GPC4: variants seen among roughly 807,000 people sequenced by gnomAD.
GPC4 encodes the protein glypican 4.
A neutral mutation model predicts 35.0 loss-of-function variants in GPC4; 10 were observed. The ratio of observed to expected loss-of-function variants is 0.29; its 90% CI spans 0.18 to 0.48. GPC4 has a LOEUF of 0.48. Among genes scored for constraint, GPC4 ranks in the 20% least tolerant of loss-of-function variants. The probability of loss-of-function intolerance (pLI) is 0.99; values close to 1 mark genes in which losing one functional copy is unlikely to be tolerated. For missense variants in GPC4, 322 were observed against 451.3 expected, an observed-to-expected ratio of 0.71 and a Z score of 2.60; for synonymous variants, 167 against 170.2, an observed-to-expected ratio of 0.98 and a Z score of 0.15.
At chrX:133,378,484 G>A (rs1307510032) in intron 1 of GPC4, among the ~76,000 whole-genome samples, 1 of 106,418 alleles carries the variant, frequency 9.4e-6, no homozygotes, top group Non-Finnish European at 1.9e-5. Flanking sequence ...GCTGAGGCAG[G>A]AGAATGGTGT....
intron 4 of GPC4, among the ~76,000 whole-genome samples, chrX:133,308,273 C>T (rs1159349539): frequency 1.8e-5 from 2 of 111,948 alleles, no homozygotes; most frequent in African/African-American, 6.5e-5. Context: ...GCTCCTGCCT[C>T]CTGCCAGGAC....
In GPC4 at chrX:133,311,381, T is replaced by C; in HGVS notation, c.754A>G (p.Ile252Val). 8.3e-7 allele frequency: 1 copy of C among 1,211,470 alleles called. No homozygotes were observed. The highest frequency in any genetic ancestry group is 2.2e-5 in the Admixed American group (1 of 46,046). The change falls in exon 4 of 9, where the codon ATC becomes GTC. Residue 252 changes from isoleucine (I) to valine (V), a missense_variant. Transcript: ENST00000370828. ...AGACCCCGGCAGTGGGAGCAGTAGA[T>C]CATCTTCAACAGGGCATGGGTACAC... The part of the protein sequence containing the change: ...AQCTHALLKM[I>V]YCSHCRGLVT...
At chrX:133,342,256 C>T (rs1321908197) in intron 1 of GPC4, among the ~76,000 whole-genome samples, 3 of 109,857 alleles carry the variant, frequency 2.7e-5, no homozygotes, top group African/African-American at 9.9e-5. Flanking sequence ...AGGCTGGTCT[C>T]GAACTCCTGA....
At position 133,415,254 on chromosome X, in the gene GPC4, G is replaced by T; in HGVS notation, c.-289C>A. On this transcript the variant is annotated 5_prime_UTR_variant, in exon 1 of 9. Transcript: ENST00000370828. ...CAGAGGCGCGGGCTGGTGACCTCGG[G>T]GTTTCGCGGGGCAGCGAACCCGGCA... 3.5e-6 allele frequency: 1 copy of T among 284,601 alleles called. No homozygotes were observed. The highest frequency in any genetic ancestry group is 6.1e-6 in the Non-Finnish European group (1 of 163,564). 23.5% of individuals were successfully genotyped at this position (284,601 alleles called of 1,213,427 possible). A position where few individuals can be genotyped will look rare whatever the true frequency, so the allele number is the denominator to read the frequency against.
intron 1 of GPC4, among the ~76,000 whole-genome samples, chrX:133,377,877 CTTTTT>C (rs59474368): frequency 1.2e-5 from 1 of 86,192 alleles, no homozygotes; most frequent in South Asian, 5.8e-4. Context: ...TTTTCTTTTT[CTTTTT>C]TTTTTTCTTT....
intron 1 of GPC4, among the ~76,000 whole-genome samples, chrX:133,396,316 A>T (rs896204705): frequency 9.0e-6 from 1 of 111,600 alleles, no homozygotes; most frequent in Non-Finnish European, 1.9e-5. Flanking sequence ...TTTACCATCA[A>T]TTTTTGTTCA....
intron 4 of GPC4, among the ~76,000 whole-genome samples, chrX:133,308,237 G>A (rs1414690943): frequency 8.9e-6 from 1 of 111,887 alleles, no homozygotes; most frequent in East Asian, 2.8e-4. Context: ...AGCCACGGAG[G>A]CCCTTGTTTG....
At chrX:133,362,763 C>G (rs1452716669) in intron 1 of GPC4, among the ~76,000 whole-genome samples, 3 of 111,786 alleles carry the variant, frequency 2.7e-5, no homozygotes, top group Admixed American at 1.9e-4. Flanking sequence ...TTCATGAAAA[C>G]CTACACAATG....
rs2068382607 is a variant in GPC4, at chrX:133,324,549, CCA to C, written c.320-15_320-14del. Reference sequence around the variant, plus strand: ...TCTTTGAAGAATTCTGAAACCAACACCAAAAAAAAAAAAAAAAAAAGGAAAAA... The same window carrying C: ...TCTTTGAAGAATTCTGAAACCAACACAAAAAAAAAAAAAAAAAAGGAAAAA... On this transcript the variant is annotated splice_polypyrimidine_tract_variant and intron_variant, in intron 2 of 8. Transcript: ENST00000370828. 3.8e-5 allele frequency: 30 copies of C among 794,722 alleles called. No homozygotes were observed. Among genetic ancestry groups the C allele is most frequent in the Middle Eastern group, 5.0e-4 (1 of 2,002 alleles). The allele number at this position is 794,722 out of a possible 1,213,427, so 65.5% of individuals were successfully genotyped here. A position where few individuals can be genotyped will look rare whatever the true frequency, so the allele number is the denominator to read the frequency against.
chrX:133,354,281 T>C (rs972876205), intron 1 of GPC4, among the ~76,000 whole-genome samples: 1 of 112,365 alleles, frequency 8.9e-6, no homozygotes, highest in Admixed American at 9.4e-5. Flanking sequence ...CTCCTAGTTT[T>C]TCCTGATCCC....
chrX:133,364,256 C>T lies in GPC4; in HGVS notation c.161-24915G>A, dbSNP rs549861539. Among the ~76,000 whole-genome samples the T allele has an allele frequency of 6.0e-4, 67 of 111,915 alleles. No individual in the cohort carries two copies. In the South Asian group the frequency reaches 0.023, roughly 38 times the overall value. The stretch of plus-strand genomic sequence containing the variant: ...CAAAGTTAGAATGAGTCCCAACCCC[C>T]ACCCCAGTATAGGGTTTCAATTCTC... On this transcript the variant is annotated intron_variant, in intron 1 of 8. Transcript: ENST00000370828.
intron 1 of GPC4, among the ~76,000 whole-genome samples, chrX:133,389,250 C>G (rs1262160692): frequency 1.8e-5 from 2 of 111,518 alleles, no homozygotes; most frequent in Non-Finnish European, 3.8e-5. Context: ...TGAACCACCA[C>G]ACCCAGCTGC....
At chrX:133,333,356 G>A (rs988818585) in intron 2 of GPC4, among the ~76,000 whole-genome samples, 1 of 112,728 alleles carries the variant, frequency 8.9e-6, no homozygotes, top group Non-Finnish European at 1.9e-5. Flanking sequence ...AAGAGGAGAG[G>A]CCCAAAGTTA....
chrX:133,367,029 G>C (rs772140269), intron 1 of GPC4, among the ~76,000 whole-genome samples: 2 of 111,910 alleles, frequency 1.8e-5, no homozygotes, highest in Admixed American at 9.5e-5. Context: ...AAACCTCTAG[G>C]GGGTATCTGG....
intron 1 of GPC4, among the ~76,000 whole-genome samples, chrX:133,347,484 C>T (rs769266517): frequency 1.8e-5 from 2 of 109,589 alleles, no homozygotes; most frequent in South Asian, 3.9e-4. Flanking sequence ...TTGTTCTAAA[C>T]GTAAAATAAT....
Position 133,415,143 on chromosome X carries a change from G to A in GPC4, c.-178C>T. 2.2e-6 allele frequency: 1 copy of A among 460,222 alleles called. No individual in the cohort carries two copies. Among genetic ancestry groups the A allele is most frequent in the Non-Finnish European group, 3.6e-6 (1 of 277,015 alleles). The allele number at this position is 460,222 out of a possible 1,213,427, so 37.9% of individuals were successfully genotyped here. A position where few individuals can be genotyped will look rare whatever the true frequency, so the allele number is the denominator to read the frequency against. ...AGACGCGGGGCGAAAAGTAGAGCTG[G>A]GCCTCGCGTCAGGCAACGGTCCCCG... On this transcript the variant is annotated 5_prime_UTR_variant, in exon 1 of 9. Transcript: ENST00000370828.
rs1168101736 is a variant in GPC4 at position 133,415,113 on chromosome X, G to A, written c.-148C>T. ...GAGTTGGTGGAAGAGGCGAGCAGGC[G>A]GAGGAGACGCGGGGCGAAAAGTAGA... On this transcript the variant is annotated 5_prime_UTR_variant, in exon 1 of 9. Transcript: ENST00000370828. The A allele has an allele frequency of 1.8e-6, 1 of 560,180 alleles. No homozygotes were observed. Among genetic ancestry groups the A allele is most frequent in the Non-Finnish European group, 2.8e-6 (1 of 361,967 alleles). The allele number at this position is 560,180 out of a possible 1,213,427, so 46.2% of individuals were successfully genotyped here.
At chrX:133,307,804 CAACAACAAA>C (rs1230936243) in intron 4 of GPC4, among the ~76,000 whole-genome samples, 4 of 112,113 alleles carry the variant, frequency 3.6e-5, no homozygotes, top group Non-Finnish European at 7.5e-5. Flanking sequence ...ACAACAACAA[CAACAACAAA>C]ACCCAGTGCA....
intron 1 of GPC4, among the ~76,000 whole-genome samples, chrX:133,377,768 A>G (rs935097522): frequency 1.7e-4 from 19 of 110,933 alleles, no homozygotes; most frequent in African/African-American, 5.6e-4. Flanking sequence ...TTCAGAGCTA[A>G]TAAGTGGCAG....
Sources: gnomAD v4.1 joint callset for allele counts (sites outside exome capture counted in the v4.1 genomes callset) on GRCh38, gnomAD v4.1.1 for gene constraint, MANE v1.5 for transcripts, NCBI Gene and HGNC (gene_info 2026-07-23, HGNC 2026-07-21) for gene names.